Variants in SPAG16 observed in about 807,000 individuals in gnomAD.
SPAG16 encodes the protein sperm associated antigen 16.
Under a neutral mutation model 80.4 loss-of-function variants are expected in SPAG16, and 86 were observed. The ratio of observed to expected loss-of-function variants is 1.07; its 90% CI spans 0.90 to 1.28. SPAG16 has a LOEUF of 1.28. SPAG16 is among the 50% of genes most tolerant of loss of function. The pLI, the probability that SPAG16 is intolerant of heterozygous loss-of-function variation, is 0.00. For missense variants in SPAG16, 870 were observed against 765.3 expected (o/e 1.14, Z -1.61); for synonymous variants, 294 against 265.9 (o/e 1.11, Z -1.03).
chr2:214,022,054 C>T lies in SPAG16; in HGVS notation c.1527+7977C>T, dbSNP rs573697285. Among the ~76,000 whole-genome samples the T allele has an allele frequency of 1.8e-3, 275 of 152,172 alleles. 3 individuals carry two copies. The highest frequency in any genetic ancestry group is 1.8e-3 in the Non-Finnish European group (124 of 68,016). ...CTGGATTAGGCATCCCAAGAGGCAA[C>T]CAAGAGAACTTTGTACCCCGTAGAA... On this transcript the variant is annotated intron_variant, in intron 13 of 15. Transcript: ENST00000331683.
chr2:213,581,999 G>A (rs1214792458), intron 10 of SPAG16, among the ~76,000 whole-genome samples: 1 of 152,064 alleles, frequency 6.6e-6, no homozygotes, highest in African/African-American at 2.4e-5. Context: ...AGAGACATTG[G>A]TTAATTATGA....
At chr2:213,540,954 C>T (rs993525385) in intron 10 of SPAG16, among the ~76,000 whole-genome samples, 6 of 152,174 alleles carry the variant, frequency 3.9e-5, no homozygotes, top group Non-Finnish European at 5.9e-5. Context: ...TGTGTATGTG[C>T]GCGTGCATGT....
chr2:213,939,418 G>A (rs2079113032), intron 12 of SPAG16, among the ~76,000 whole-genome samples: 4 of 152,198 alleles, frequency 2.6e-5, no homozygotes, highest in Admixed American at 2.0e-4. Flanking sequence ...TGCTAGAGAT[G>A]ACAAGGGGGT....
Position 213,833,473 on chromosome 2 carries a change from A to ATTATATATAATATATAT in SPAG16, c.1071-29012_1071-29011insTTATATATAATATATAT, listed in dbSNP as rs1431535446. ...TATATATTATATATATATTATATATAATAATATATATATTATATATAATAT... is the reference window on the plus strand; with the variant it reads ...TATATATTATATATATATTATATATATTATATATAATATATATATAATATATATATTATATATAATAT... On this transcript the variant is annotated intron_variant, in intron 10 of 15. Transcript: ENST00000331683. 5.9e-4 allele frequency among the ~76,000 whole-genome samples: 4 copies of ATTATATATAATATATAT among 6,750 alleles called. 1 individual carries two copies. The Admixed American group carries it at 0.011, about 19-fold the overall frequency. The allele number at this position is 6,750 out of a possible 152,430, so 4.4% of individuals were successfully genotyped here.
At chr2:213,900,199 C>T (rs1410832061) in intron 11 of SPAG16, among the ~76,000 whole-genome samples, 1 of 152,016 alleles carries the variant, frequency 6.6e-6, no homozygotes, top group East Asian at 1.9e-4. Flanking sequence ...CAGTTCAGCT[C>T]AGAGGTCAAA....
At chr2:214,102,178 A>G (rs1403720583) in intron 13 of SPAG16, among the ~76,000 whole-genome samples, 1 of 150,436 alleles carries the variant, frequency 6.6e-6, no homozygotes, top group Non-Finnish European at 1.5e-5. Context: ...TTTTCATTCA[A>G]TAACTGTATC....
intron 10 of SPAG16, among the ~76,000 whole-genome samples, chr2:213,714,017 A>G (rs1225613503): frequency 6.6e-6 from 1 of 152,236 alleles, no homozygotes; most frequent in East Asian, 1.9e-4. Context: ...TTATGGGAAC[A>G]CAGGAAGAGC....
In SPAG16 at chr2:214,108,405, T is replaced by C. The variant is rs567610386; in HGVS notation, c.1593+144T>C. ...AATTAGTTGTAAACAATAGGAAAAG[T>C]CTATAGGTATATAGGGTTGCAGAAT... On this transcript the variant is annotated intron_variant, in intron 14 of 15. Transcript: ENST00000331683. 101 of 594,558 alleles carry C rather than the reference T, an allele frequency of 1.7e-4. No individual in the cohort carries two copies. The African/African-American group carries it at 1.8e-3, about 10-fold the overall frequency. The allele number at this position is 594,558 out of a possible 1,614,324, so 36.8% of individuals were successfully genotyped here. A position where few individuals can be genotyped will look rare whatever the true frequency, so the allele number is the denominator to read the frequency against.
At chr2:214,130,716 A>G (rs996772641) in intron 14 of SPAG16, among the ~76,000 whole-genome samples, 2 of 152,228 alleles carry the variant, frequency 1.3e-5, no homozygotes, top group African/African-American at 2.4e-5. Flanking sequence ...GGCCTATAAG[A>G]CAAAGATCTC....
intron 4 of SPAG16, among the ~76,000 whole-genome samples, chr2:213,316,754 C>T (rs981205968): frequency 1.3e-5 from 2 of 152,024 alleles, no homozygotes; most frequent in Non-Finnish European, 2.9e-5. Flanking sequence ...CCCTCATTTC[C>T]TTTAGATCTC....
chr2:214,328,873 C>T (rs548169164), intron 15 of SPAG16, among the ~76,000 whole-genome samples: 13 of 152,064 alleles, frequency 8.5e-5, no homozygotes, highest in African/African-American at 2.2e-4. Context: ...GTTCTAGGCA[C>T]GGGGGAAGGC....
intron 15 of SPAG16, among the ~76,000 whole-genome samples, chr2:214,199,409 C>G (rs1323813461): frequency 2.6e-5 from 4 of 151,974 alleles, no homozygotes; most frequent in Non-Finnish European, 4.4e-5. Flanking sequence ...GATCAGTTGG[C>G]TATAAGTATT....
chr2:213,520,902 T>C (rs1451098997), intron 10 of SPAG16, among the ~76,000 whole-genome samples: 1 of 152,222 alleles, frequency 6.6e-6, no homozygotes, highest in African/African-American at 2.4e-5. Flanking sequence ...CTTGGACAAA[T>C]CCTGCTCTTG....
chr2:214,335,555 G>A (rs1697222666), intron 15 of SPAG16, among the ~76,000 whole-genome samples: 1 of 151,610 alleles, frequency 6.6e-6, no homozygotes, highest in Admixed American at 6.6e-5. Context: ...TGACGATGCT[G>A]ATGTGCTGAC....
At chr2:213,986,891 CAAAAAAAAAAA>C (rs369965944) in intron 12 of SPAG16, among the ~76,000 whole-genome samples, 848 of 57,676 alleles carry the variant, frequency 0.015, 6 homozygotes, top group African/African-American at 0.042. Context: ...TCTGGTATAG[CAAAAAAAAAAA>C]AAAAAAAAAA....
At chr2:214,042,778 T>C (rs1281350433) in intron 13 of SPAG16, among the ~76,000 whole-genome samples, 2 of 152,034 alleles carry the variant, frequency 1.3e-5, no homozygotes, top group African/African-American at 4.8e-5. Flanking sequence ...CTCCTAAGAG[T>C]CTCCTGCAAA....
intron 15 of SPAG16, among the ~76,000 whole-genome samples, chr2:214,242,444 C>A (rs1218347651): frequency 6.6e-6 from 1 of 152,170 alleles, no homozygotes; most frequent in Non-Finnish European, 1.5e-5. Flanking sequence ...AAGGAAGCTT[C>A]AGAAGGTTGT....
intron 10 of SPAG16, among the ~76,000 whole-genome samples, chr2:213,642,378 C>A (rs2062625630): frequency 6.6e-6 from 1 of 152,142 alleles, no homozygotes; most frequent in Non-Finnish European, 1.5e-5. Context: ...TCATCACCAA[C>A]TTCCTTTAGT....
intron 15 of SPAG16, among the ~76,000 whole-genome samples, chr2:214,203,535 A>T (rs767555775): frequency 5.9e-5 from 9 of 152,162 alleles, no homozygotes; most frequent in Non-Finnish European, 1.3e-4. Context: ...CTGAACACAC[A>T]TCCTCACATC....
Sources: gnomAD v4.1 joint callset for allele counts (sites outside exome capture counted in the v4.1 genomes callset) on GRCh38, gnomAD v4.1.1 for gene constraint, MANE v1.5 for transcripts, NCBI Gene and HGNC (gene_info 2026-07-23, HGNC 2026-07-21) for gene names.